TPTE2: variants seen among roughly 807,000 people sequenced by gnomAD.
The protein encoded by TPTE2 is transmembrane phosphoinositide 3-phosphatase and tensin homolog 2, also known as phosphatidylinositol 3,4,5-trisphosphate 3-phosphatase TPTE2.
A neutral mutation model predicts 78.6 loss-of-function variants in TPTE2; 53 were observed. The ratio of observed to expected loss-of-function variants is 0.67; its 90% CI spans 0.54 to 0.85. TPTE2 has a LOEUF of 0.85. Ranked by LOEUF, TPTE2 falls within the 40% of genes least tolerant of loss-of-function variation. The probability of loss-of-function intolerance (pLI) is 0.00; values close to 1 mark genes in which losing one functional copy is unlikely to be tolerated. For missense variants in TPTE2, 461 were observed against 623.0 expected, an observed-to-expected ratio of 0.74 and a Z score of 2.77; for synonymous variants, 175 against 206.2, an observed-to-expected ratio of 0.85 and a Z score of 1.30.
At chr13:19,425,054 C>G in intron 18 of TPTE2, 37 bp from the exon 22 acceptor site, 1 of 1,045,514 alleles carries the variant, frequency 9.6e-7, no homozygotes, top group South Asian at 1.4e-5. Context: ...AAACTGACAC[C>G]AGGAACTAAT....
chr13:19,497,070 C>G (rs1443719320), intron 1 of TPTE2, among the ~76,000 whole-genome samples: 3 of 152,102 alleles, frequency 2.0e-5, no homozygotes, highest in Admixed American at 6.5e-5. Flanking sequence ...TCACTCCCAC[C>G]CGAATATTGC....
intron 1 of TPTE2, among the ~76,000 whole-genome samples, chr13:19,502,675 C>T (rs1653018839): frequency 6.6e-6 from 1 of 151,346 alleles, no homozygotes; most frequent in Non-Finnish European, 1.5e-5. Flanking sequence ...GGAGGGATAG[C>T]ACTGGGAGAT....
intron 1 of TPTE2, among the ~76,000 whole-genome samples, chr13:19,521,375 A>G (rs561418021): frequency 1.3e-5 from 2 of 151,260 alleles, no homozygotes; most frequent in East Asian, 3.9e-4. Flanking sequence ...CTTTTTTATC[A>G]TGATTCCATC....
chr13:19,464,464 G>C (rs1290576261), exon 10 of TPTE2: 16 of 1,612,384 alleles, frequency 9.9e-6, no homozygotes, highest in Non-Finnish European at 1.3e-5. Flanking sequence ...ACCTCAATTG[G>C]ATTTCTATAG....
the TPTE2 span, among the ~76,000 whole-genome samples, chr13:19,543,217 A>G: frequency 6.6e-6 from 1 of 151,808 alleles, no homozygotes; most frequent in Non-Finnish European, 1.5e-5. Context: ...ACACCAGGCT[A>G]ATTTTTGTAA....
intron 13 of TPTE2, among the ~76,000 whole-genome samples, chr13:19,445,713 A>G (rs1221524384): frequency 6.6e-6 from 1 of 152,192 alleles, no homozygotes; most frequent in Non-Finnish European, 1.5e-5. Context: ...AGGCAGAGGC[A>G]GGCACATCAC....
chr13:19,530,725 A>G (rs1870816638), intron 1 of TPTE2, among the ~76,000 whole-genome samples: 2 of 151,916 alleles, frequency 1.3e-5, no homozygotes, highest in Admixed American at 1.3e-4. Flanking sequence ...GGGTCTCACT[A>G]TGTTGCCCAG....
chr13:19,487,723 G>A (rs1880745696), intron 3 of TPTE2, among the ~76,000 whole-genome samples: 1 of 152,164 alleles, frequency 6.6e-6, no homozygotes, highest in South Asian at 2.1e-4. Flanking sequence ...CAGTGCTGGA[G>A]AGGCACAGTG....
rs1244249792 is a variant in TPTE2 at position 19,431,890 on chromosome 13, T to C, written c.1222+583A>G. Among the ~76,000 whole-genome samples the C allele has an allele frequency of 2.1e-3, 234 of 112,652 alleles. 1 individual carries two copies. The highest frequency in any genetic ancestry group is 5.9e-3 in the South Asian group (19 of 3,240). 73.9% of individuals were successfully genotyped at this position (112,652 alleles called of 152,430 possible). ...AAGCATCGCCTCCCTGCTACCTCTC[T>C]GGCAGTGGGAGTGGTGAGGCCCCAT... On this transcript the variant is annotated intron_variant, in intron 16 of 19. Coordinates refer to ENST00000400230, the Ensembl canonical transcript of TPTE2.
Position 19,512,551 on chromosome 13 carries a change from CAAGTGGTGAATAGAT to C in TPTE2, c.-43-9289_-43-9275del, listed in dbSNP as rs1338587803. On this transcript the variant is annotated intron_variant, in intron 1 of 17. Coordinates refer to the TPTE2 transcript ENST00000390680. ...ACATGCTTAGTAAACTTCAAATCTG[CAAGTGGTGAATAGAT>C]AATCTGCACAGGAAACATTTTTTTT... is the stretch of plus-strand genomic sequence containing the variant. Among the ~76,000 whole-genome samples the C allele has an allele frequency of 2.0e-5, 3 of 151,442 alleles. No homozygotes were observed. In the East Asian group the frequency reaches 5.9e-4, roughly 30 times the overall value.
chr13:19,492,748 G>C, intron 3 of TPTE2, 102 bp downstream of exon 6: 1 of 1,496,460 alleles, frequency 6.7e-7, no homozygotes, highest in Non-Finnish European at 9.2e-7. Context: ...ACAAAAGTGT[G>C]TATGGATGAA....
intron 6 of TPTE2, among the ~76,000 whole-genome samples, chr13:19,471,162 C>T (rs773646485): frequency 1.3e-5 from 2 of 152,112 alleles, no homozygotes; most frequent in Non-Finnish European, 2.9e-5. Flanking sequence ...CCTGCCTTGG[C>T]CTCCCAAACT....
chr13:19,544,424 A>AC, the TPTE2 span, among the ~76,000 whole-genome samples: 120,422 of 151,964 alleles, frequency 0.79, 49,113 homozygotes, highest in East Asian at 0.96. Context: ...TGAATGAATG[A>AC]AGCCAAGTGG....
At chr13:19,510,988 T>C (rs1869394364) in intron 1 of TPTE2, among the ~76,000 whole-genome samples, 1 of 152,240 alleles carries the variant, frequency 6.6e-6, no homozygotes, top group Non-Finnish European at 1.5e-5. Context: ...TGTGAATGTG[T>C]ATGTGTAGGA....
intron 16 of TPTE2, among the ~76,000 whole-genome samples, chr13:19,431,457 T>C (rs61536851): frequency 0.01 from 1,525 of 152,294 alleles, 24 homozygotes; most frequent in African/African-American, 0.034. Context: ...TTTTTATTGC[T>C]TTCCTCTCAA....
At chr13:19,513,349 C>T (rs1279383021) in intron 1 of TPTE2, among the ~76,000 whole-genome samples, 1 of 152,164 alleles carries the variant, frequency 6.6e-6, no homozygotes, top group Non-Finnish European at 1.5e-5. Flanking sequence ...TAAGACCTAA[C>T]TTTTTAGAAA....
intron 13 of TPTE2, among the ~76,000 whole-genome samples, chr13:19,446,843 G>A (rs1469743455): frequency 6.6e-6 from 1 of 152,124 alleles, no homozygotes; most frequent in Non-Finnish European, 1.5e-5. Context: ...CAGAGGGGCT[G>A]AGATGGGAGG....
chr13:19,533,696 G>A (rs1871021298), intron 1 of TPTE2, among the ~76,000 whole-genome samples: 1 of 152,206 alleles, frequency 6.6e-6, no homozygotes, highest in African/African-American at 2.4e-5. Context: ...ATTTATGAAG[G>A]AGGAAACAGG....
At chr13:19,459,268 T>G (rs1326229176) in intron 10 of TPTE2, among the ~76,000 whole-genome samples, 1 of 152,174 alleles carries the variant, frequency 6.6e-6, no homozygotes, top group Non-Finnish European at 1.5e-5. Context: ...AATGGGGCTG[T>G]TTTTTTCTTG....
Sources: allele counts gnomAD v4.1 joint callset (sites outside exome capture counted in the v4.1 genomes callset), GRCh38; gene constraint gnomAD v4.1.1; transcripts MANE v1.5; gene names NCBI Gene and HGNC (gene_info 2026-07-23, HGNC 2026-07-21).